CACNA1E: variants seen among roughly 807,000 people sequenced by gnomAD.
CACNA1E encodes the protein voltage-dependent R-type calcium channel subunit alpha-1E.
In CACNA1E, 40 loss-of-function variants were observed where a neutral mutation model predicts 259.2. The observed-to-expected ratio is 0.15, with a 90% confidence interval of 0.12 to 0.20. The LOEUF is 0.20. CACNA1E is among the 10% of genes least tolerant of loss of function. The probability of loss-of-function intolerance (pLI) is 1.00; values close to 1 mark genes in which losing one functional copy is unlikely to be tolerated. For synonymous variants in CACNA1E, 1,104 were observed against 1,138.5 expected (o/e 0.97, Z 0.61); for missense variants, 1,874 against 3,040.1 (o/e 0.62, Z 9.02).
chr1:181,567,918 T>C (rs1389604524), intron 3 of CACNA1E, among the ~76,000 whole-genome samples: 2 of 152,158 alleles, frequency 1.3e-5, no homozygotes, highest in Non-Finnish European at 2.9e-5. Flanking sequence ...TATGAAACAT[T>C]ATGTAATTTT....
intron 6 of CACNA1E, among the ~76,000 whole-genome samples, chr1:181,589,898 T>A (rs901767613): frequency 6.6e-6 from 1 of 152,296 alleles, no homozygotes; most frequent in South Asian, 2.1e-4. Context: ...TGCTACTTTA[T>A]ATTTTTACCT....
At chr1:181,360,033 C>T (rs1653748281) in intron 1 of CACNA1E, among the ~76,000 whole-genome samples, 1 of 152,196 alleles carries the variant, frequency 6.6e-6, no homozygotes, top group Non-Finnish European at 1.5e-5. Context: ...CTAGGTCTGA[C>T]TCCCTCTCTT....
At chr1:181,705,198 A>G (rs1652673716) in intron 7 of CACNA1E, among the ~76,000 whole-genome samples, 1 of 152,260 alleles carries the variant, frequency 6.6e-6, no homozygotes, top group Non-Finnish European at 1.5e-5. Flanking sequence ...ATAATAACCT[A>G]AAATGATTTC....
intron 6 of CACNA1E, among the ~76,000 whole-genome samples, chr1:181,582,037 A>G (rs1558150415): frequency 1.3e-5 from 2 of 152,364 alleles, no homozygotes; most frequent in South Asian, 4.1e-4. Flanking sequence ...CGACGAGACT[A>G]TAATGCCCAA....
At chr1:181,366,880 C>G (rs1654307655) in intron 1 of CACNA1E, among the ~76,000 whole-genome samples, 1 of 152,198 alleles carries the variant, frequency 6.6e-6, no homozygotes. Flanking sequence ...ATCTATAATT[C>G]TCATAAGCAG....
chr1:181,462,578 A>G lies in CACNA1E; in HGVS notation c.435-21166A>G, dbSNP rs1661890122. ...TTGCTTCATCCCTCTCCCATTTTCA[A>G]ATAAATACAATGTTACAGATGCATT... On this transcript the variant is annotated intron_variant, in intron 2 of 11. Transcript: ENST00000524607. 2.6e-5 allele frequency among the ~76,000 whole-genome samples: 4 copies of G among 152,322 alleles called. No homozygotes were observed. The South Asian group carries it at 8.3e-4, about 32-fold the overall frequency.
chr1:181,675,304 G>A (rs1280889454), intron 7 of CACNA1E, among the ~76,000 whole-genome samples: 1 of 152,172 alleles, frequency 6.6e-6, no homozygotes, highest in African/African-American at 2.4e-5. Flanking sequence ...AAACATCATG[G>A]GTGACTGGGA....
At chr1:181,416,448 C>T (rs990132296) in intron 2 of CACNA1E, among the ~76,000 whole-genome samples, 3 of 152,180 alleles carry the variant, frequency 2.0e-5, no homozygotes, top group Non-Finnish European at 4.4e-5. Context: ...TTCTTATCTG[C>T]TATCCTGTAA....
chr1:181,498,230 T>A (rs1254079263), intron 1 of CACNA1E, among the ~76,000 whole-genome samples: 1 of 152,184 alleles, frequency 6.6e-6, no homozygotes, highest in Admixed American at 6.5e-5. Flanking sequence ...GGTTGGGTTA[T>A]AGAGAGACTG....
intron 3 of CACNA1E, among the ~76,000 whole-genome samples, chr1:181,540,279 G>A (rs1487700881): frequency 2.0e-5 from 3 of 152,118 alleles, no homozygotes; most frequent in African/African-American, 7.2e-5. Context: ...CCCAAACCGT[G>A]GCACAGGGCT....
At chr1:181,759,620 T>C (rs1024177511) in intron 32 of CACNA1E, among the ~76,000 whole-genome samples, 3 of 152,222 alleles carry the variant, frequency 2.0e-5, no homozygotes, top group African/African-American at 7.2e-5. Flanking sequence ...ATAAACAAGA[T>C]AATCCCCTTG....
At position 181,758,940 on chromosome 1, in the gene CACNA1E, G is replaced by T. The variant is rs1435192287; in HGVS notation, c.4605+72G>T. 9.4e-6 allele frequency: 8 copies of T among 851,022 alleles called. No individual in the cohort carries two copies. The highest frequency in any genetic ancestry group is 1.6e-5 in the Non-Finnish European group (8 of 510,972). 52.7% of individuals were successfully genotyped at this position (851,022 alleles called of 1,614,324 possible). On this transcript the variant is annotated intron_variant, in intron 32 of 47. Coordinates refer to ENST00000367573, the MANE Select transcript of CACNA1E (RefSeq NM_001205293.3). The surrounding 1 kb of genome is among the most constrained non-coding windows in gnomAD (Gnocchi z 4.2). Reference sequence around the variant, plus strand: ...GGGTGCCTTCCCAGTCTTTGTTGAAGGGGAGGTGGTTACTGCTATTCCAGA... The same window carrying T: ...GGGTGCCTTCCCAGTCTTTGTTGAATGGGAGGTGGTTACTGCTATTCCAGA...
chr1:181,378,365 G>A (rs923343296), intron 1 of CACNA1E, among the ~76,000 whole-genome samples: 1 of 152,210 alleles, frequency 6.6e-6, no homozygotes, highest in Non-Finnish European at 1.5e-5. Flanking sequence ...CACATGAGGT[G>A]AACTCCATGA....
chr1:181,582,514 A>G (rs1411417275), intron 6 of CACNA1E, among the ~76,000 whole-genome samples: 3 of 152,262 alleles, frequency 2.0e-5, no homozygotes, highest in Non-Finnish European at 4.4e-5. Flanking sequence ...TGATAAATGC[A>G]TTGAAAGCCT....
intron 25 of CACNA1E, among the ~76,000 whole-genome samples, chr1:181,747,123 C>G (rs1657161947): frequency 6.6e-6 from 1 of 151,518 alleles, no homozygotes; most frequent in African/African-American, 2.4e-5. Context: ...ACCTTTCACT[C>G]CTGCGAGCCT....
At chr1:181,366,780 G>A (rs1654299367) in intron 1 of CACNA1E, among the ~76,000 whole-genome samples, 1 of 152,116 alleles carries the variant, frequency 6.6e-6, no homozygotes, top group Non-Finnish European at 1.5e-5. Flanking sequence ...CTTTATATTG[G>A]GTAACTGAAG....
At chr1:181,484,474 G>A (rs1663604953) in intron 1 of CACNA1E, among the ~76,000 whole-genome samples, 1 of 152,208 alleles carries the variant, frequency 6.6e-6, no homozygotes, top group South Asian at 2.1e-4. Context: ...GGCTCCATGA[G>A]GGGATTTATC....
In CACNA1E at chr1:181,732,541, C is replaced by A. The variant is rs1282149665; in HGVS notation, c.2455C>A (p.Pro819Thr). The change falls in exon 20 of 48, where the codon CCG (proline) becomes ACG (threonine). Residue 819 changes from proline (P) to threonine (T), a missense_variant. Coordinates refer to ENST00000367573, the MANE Select transcript of CACNA1E (RefSeq NM_001205293.3). This position sits in a 1 kb window ranked among gnomAD's most constrained non-coding sequence, Gnocchi z 5.5. Reference sequence around the variant, plus strand: ...CCTCAACCCGCTCAGCTCCCTCAACCCGCTCAATGCCCACCCCAGCCTTTA... The same window carrying A: ...CCTCAACCCGCTCAGCTCCCTCAACACGCTCAATGCCCACCCCAGCCTTTA... ...NPLNPLSSLN[P>T]LNAHPSLYRR... is the part of the protein sequence containing the mutation. 6.4e-7 allele frequency: 1 copy of A among 1,550,394 alleles called. No individual in the cohort carries two copies. Among genetic ancestry groups the A allele is most frequent in the Non-Finnish European group, 8.7e-7 (1 of 1,146,350 alleles).
chr1:181,398,040 G>A (rs1016307792), intron 1 of CACNA1E, among the ~76,000 whole-genome samples: 1 of 152,202 alleles, frequency 6.6e-6, no homozygotes, highest in East Asian at 1.9e-4. Context: ...TCTGCCTGGG[G>A]AAGCCGCCTC....
Sources: allele counts gnomAD v4.1 joint callset (sites outside exome capture counted in the v4.1 genomes callset), GRCh38; gene constraint gnomAD v4.1.1; non-coding constraint Gnocchi (gnomAD v3.1); transcripts MANE v1.5; gene names NCBI Gene and HGNC (gene_info 2026-07-23, HGNC 2026-07-21).